Variants in ZNF804B observed in about 807,000 individuals in gnomAD.
The protein encoded by ZNF804B is zinc finger protein 804B.
A neutral mutation model predicts 101.4 loss-of-function variants in ZNF804B; 80 were observed. That is an observed-to-expected ratio of 0.79 (90% CI 0.66 to 0.95). The LOEUF is 0.95. Among genes scored for constraint, ZNF804B ranks in the 40% least tolerant of loss-of-function variants. ZNF804B has a pLI of 0.00. For missense variants in ZNF804B, 1,673 were observed against 1,561.9 expected (o/e 1.07, Z -1.20); for synonymous variants, 622 against 558.8 (o/e 1.11, Z -1.59).
In ZNF804B at chr7:88,875,688, A is replaced by T. The variant is rs965671505; in HGVS notation, c.108+115604A>T. ...AATCAATAGCTTACCAACCAAAAAG[A>T]GTCCAGGACCAGATGGATTCACAGC... On this transcript the variant is annotated intron_variant, in intron 1 of 3. Coordinates refer to ENST00000333190, the MANE Select transcript of ZNF804B (RefSeq NM_181646.5). Among the ~76,000 whole-genome samples, 12 of 152,192 alleles carry T rather than the reference A, an allele frequency of 7.9e-5. 1 individual carries two copies. Among genetic ancestry groups the T allele is most frequent in the African/African-American group, 2.9e-4 (12 of 41,516 alleles).
chr7:89,333,787 G>A lies in ZNF804B; in HGVS notation c.805G>A (p.Ala269Thr). ...AGATAAGTGCAAGTGCTGCAGGTTT[G>A]CAAATAAAGATACACACCTTACCAA... Reference protein sequence around the residue: ...TADKCKCCRFANKDTHLTKEK... With the variant: ...TADKCKCCRFTNKDTHLTKEK... The change falls in exon 4 of 4, where the codon GCA becomes ACA. Residue 269 changes from alanine to threonine, a missense_variant. Ala to Thr is a moderately conservative substitution (Grantham distance 58). Transcript: ENST00000333190. 1.9e-6 allele frequency: 3 copies of A among 1,613,358 alleles called. No individual in the cohort carries two copies. Among genetic ancestry groups the A allele is most frequent in the Non-Finnish European group, 2.5e-6 (3 of 1,179,680 alleles).
intron 1 of ZNF804B, among the ~76,000 whole-genome samples, chr7:88,843,749 AT>A (rs778231239): frequency 7.2e-5 from 11 of 152,290 alleles, no homozygotes; most frequent in Non-Finnish European, 1.5e-4. Context: ...AAGAAAAAAA[AT>A]AATAAATAAT....
intron 1 of ZNF804B, among the ~76,000 whole-genome samples, chr7:89,191,582 T>C (rs1229092472): frequency 6.6e-6 from 1 of 152,162 alleles, no homozygotes; most frequent in African/African-American, 2.4e-5. Flanking sequence ...ATTAACTGTC[T>C]TACCCACTGA....
intron 1 of ZNF804B, among the ~76,000 whole-genome samples, chr7:88,809,154 C>G (rs1291459814): frequency 6.6e-6 from 1 of 152,126 alleles, no homozygotes; most frequent in East Asian, 1.9e-4. Context: ...ATCTGCCTTA[C>G]TAAGTAACAG....
intron 2 of ZNF804B, among the ~76,000 whole-genome samples, chr7:89,308,621 C>G (rs1286416081): frequency 1.3e-5 from 2 of 152,202 alleles, no homozygotes. Flanking sequence ...GGATATCACT[C>G]AGGGAAATTC....
intron 1 of ZNF804B, among the ~76,000 whole-genome samples, chr7:88,873,556 C>G (rs1397629287): frequency 6.6e-6 from 1 of 152,112 alleles, no homozygotes; most frequent in Non-Finnish European, 1.5e-5. Flanking sequence ...TGCCTATGTC[C>G]TGAATGGTAA....
intron 2 of ZNF804B, among the ~76,000 whole-genome samples, chr7:89,290,819 A>C (rs1435044185): frequency 1.3e-5 from 2 of 152,154 alleles, no homozygotes; most frequent in Admixed American, 1.3e-4. Context: ...GGTAGTAGTT[A>C]CAGTGAGCCT....
intron 2 of ZNF804B, among the ~76,000 whole-genome samples, chr7:89,253,941 A>T (rs1789582506): frequency 6.6e-6 from 1 of 152,152 alleles, no homozygotes; most frequent in African/African-American, 2.4e-5. Context: ...TTAATATTCA[A>T]TATCCATTCA....
intron 1 of ZNF804B, among the ~76,000 whole-genome samples, chr7:88,870,302 G>A (rs897736467): frequency 2.0e-5 from 3 of 147,810 alleles, no homozygotes; most frequent in Non-Finnish European, 3.0e-5. Context: ...GGAGAATGGC[G>A]TGAACCCGGG....
intron 1 of ZNF804B, 100 bp from the exon 2 acceptor site, chr7:89,218,055 C>T (rs17167529): frequency 0.12 from 141,985 of 1,192,386 alleles, 9,037 homozygotes; most frequent in Middle Eastern, 0.24. Context: ...CAATGTGCTC[C>T]GTCATATTTC....
chr7:89,097,456 A>C (rs1380931908), intron 1 of ZNF804B, among the ~76,000 whole-genome samples: 1 of 152,224 alleles, frequency 6.6e-6, no homozygotes, highest in Non-Finnish European at 1.5e-5. Flanking sequence ...TTTGAGTAAG[A>C]GTGCCAACAG....
chr7:88,790,107 C>T (rs1246284474), intron 1 of ZNF804B, among the ~76,000 whole-genome samples: 1 of 152,000 alleles, frequency 6.6e-6, no homozygotes, highest in Non-Finnish European at 1.5e-5. Context: ...CTGGCCACAT[C>T]ATTTGAATGT....
intron 1 of ZNF804B, among the ~76,000 whole-genome samples, chr7:89,041,735 C>T (rs766563160): frequency 9.2e-5 from 14 of 152,166 alleles, no homozygotes; most frequent in Non-Finnish European, 1.8e-4. Context: ...GCTGTTCAGG[C>T]TTGTGGGAAG....
intron 1 of ZNF804B, among the ~76,000 whole-genome samples, chr7:88,868,175 CAT>C (rs1791765281): frequency 6.6e-6 from 1 of 151,496 alleles, no homozygotes; most frequent in Non-Finnish European, 1.5e-5. Flanking sequence ...GAAGGTAGTA[CAT>C]AGCTTTGGTA....
At chr7:88,997,128 C>A (rs1003692880) in intron 1 of ZNF804B, among the ~76,000 whole-genome samples, 4 of 152,046 alleles carry the variant, frequency 2.6e-5, no homozygotes, top group African/African-American at 7.2e-5. Context: ...GACACTGTTC[C>A]AAACTATGAA....
intron 1 of ZNF804B, among the ~76,000 whole-genome samples, chr7:88,870,773 C>T (rs934773552): frequency 3.9e-5 from 6 of 152,014 alleles, no homozygotes; most frequent in African/African-American, 1.4e-4. Flanking sequence ...AAAACAGTTA[C>T]ACATTGCAAA....
chr7:89,147,838 C>T (rs764734353), intron 1 of ZNF804B, among the ~76,000 whole-genome samples: 28 of 151,754 alleles, frequency 1.8e-4, no homozygotes, highest in Middle Eastern at 6.8e-3. Flanking sequence ...TCTCCCATCA[C>T]CCCCAGATGG....
chr7:89,104,193 T>C lies in ZNF804B; in HGVS notation c.109-113962T>C, dbSNP rs1456241845. On this transcript the variant is annotated intron_variant, in intron 1 of 3. Coordinates refer to ENST00000333190, the MANE Select transcript of ZNF804B (RefSeq NM_181646.5). ...CAGGGTTATTGGCCTGTAGTTGTCT[T>C]TTTTTGTTGTTGTGTCCTTGCCTGA... 3.3e-5 allele frequency among the ~76,000 whole-genome samples: 5 copies of C among 152,170 alleles called. No homozygotes were observed. The East Asian group carries it at 7.7e-4, about 24-fold the overall frequency.
At chr7:89,280,225 A>G (rs891320718) in intron 2 of ZNF804B, among the ~76,000 whole-genome samples, 6 of 151,986 alleles carry the variant, frequency 3.9e-5, no homozygotes, top group African/African-American at 1.5e-4. Context: ...ACAAAGACAC[A>G]ACATACCAGA....
Sources: gnomAD v4.1 joint callset for allele counts (sites outside exome capture counted in the v4.1 genomes callset) on GRCh38, gnomAD v4.1.1 for gene constraint, MANE v1.5 for transcripts, NCBI Gene and HGNC (gene_info 2026-07-23, HGNC 2026-07-21) for gene names.